Variants in CYP2C18 observed in about 807,000 individuals in gnomAD.
CYP2C18 encodes cytochrome P450 family 2 subfamily C member 18.
CYP2C18 carries 38 observed loss-of-function variants against 41.3 expected under a neutral mutation model. That is an observed-to-expected ratio of 0.92 (90% CI 0.71 to 1.21). The LOEUF (loss-of-function observed/expected upper bound fraction) is 1.21. Among genes scored for constraint, CYP2C18 ranks in the 50% most tolerant of loss-of-function variants. The pLI is 0.00. For synonymous variants in CYP2C18, 236 were observed against 210.0 expected, an observed-to-expected ratio of 1.12 and a Z score of -1.07; for missense variants, 635 against 591.4, an observed-to-expected ratio of 1.07 and a Z score of -0.77.
In CYP2C18 at chr10:94,720,368, A is replaced by G. The variant is rs1288139051; in HGVS notation, c.820-28A>G. 4.5e-6 allele frequency: 7 copies of G among 1,554,224 alleles called. No individual in the cohort carries two copies. The African/African-American group carries it at 8.3e-5, about 18-fold the overall frequency. ...ATTTAATATGCTGGCAAACTACCAA[A>G]TAATTAAATTATGAAATAATTTTTT... On this transcript the variant is annotated intron_variant, in intron 5 of 8. Coordinates refer to ENST00000285979, the MANE Select transcript of CYP2C18 (RefSeq NM_000772.3).
rs1303408189 is a variant in CYP2C18 at position 94,720,532 on chromosome 10, TCA to T, written c.959_960del (p.Thr320SerfsTer2). 6.2e-7 allele frequency: 1 copy of T among 1,612,786 alleles called. No individual in the cohort carries two copies. The highest frequency in any genetic ancestry group is 8.5e-7 in the Non-Finnish European group (1 of 1,179,402). ...CTGCTCCTGCTGAAGTACCCAGAGG[TCA>T]CAGGTATGATGATACCATAGGTGAG... On this transcript the variant is annotated frameshift_variant, in exon 6 of 9. Transcript: ENST00000285979. LOFTEE classifies it high-confidence loss of function.
chr10:94,697,301 C>A (rs979066140), intron 4 of CYP2C18, among the ~76,000 whole-genome samples: 4 of 152,154 alleles, frequency 2.6e-5, no homozygotes, highest in African/African-American at 7.2e-5. Flanking sequence ...ACTCTACAAG[C>A]TAGAAGAGAA....
intron 5 of CYP2C18, among the ~76,000 whole-genome samples, chr10:94,715,733 A>T (rs1484084873): frequency 6.6e-6 from 1 of 151,940 alleles, no homozygotes; most frequent in Non-Finnish European, 1.5e-5. Flanking sequence ...TTTTCTATTG[A>T]TTGGAATAGT....
intron 5 of CYP2C18, among the ~76,000 whole-genome samples, chr10:94,714,969 G>C (rs995755190): frequency 3.3e-5 from 5 of 151,986 alleles, no homozygotes; most frequent in African/African-American, 4.8e-5. Flanking sequence ...TCATGATTTG[G>C]CACTCTGTTT....
At chr10:94,719,246 A>T (rs1847606827) in intron 5 of CYP2C18, among the ~76,000 whole-genome samples, 1 of 143,498 alleles carries the variant, frequency 7.0e-6, no homozygotes, top group Non-Finnish European at 1.5e-5. Context: ...TACAAATAAG[A>T]AAAAAAATTA....
At chr10:94,685,108 C>G (rs1339181896) in intron 1 of CYP2C18, among the ~76,000 whole-genome samples, 1 of 151,510 alleles carries the variant, frequency 6.6e-6, no homozygotes, top group Non-Finnish European at 1.5e-5. Flanking sequence ...GATCATGGTC[C>G]CTGCAGCCTT....
At chr10:94,690,074 G>A (rs1289595692) in intron 3 of CYP2C18, among the ~76,000 whole-genome samples, 1 of 152,124 alleles carries the variant, frequency 6.6e-6, no homozygotes, top group Non-Finnish European at 1.5e-5. Flanking sequence ...GGTGTGGAGT[G>A]CCCCTCCTTT....
At chr10:94,713,398 T>C (rs1847476088) in intron 5 of CYP2C18, among the ~76,000 whole-genome samples, 3 of 151,966 alleles carry the variant, frequency 2.0e-5, no homozygotes, top group Non-Finnish European at 2.9e-5. Context: ...GTTCTCATTG[T>C]TCAAATCCCA....
At chr10:94,708,843 TTGTC>T in intron 5 of CYP2C18, among the ~76,000 whole-genome samples, 1 of 152,214 alleles carries the variant, frequency 6.6e-6, no homozygotes, top group Non-Finnish European at 1.5e-5. Context: ...TGGTCTTTGT[TTGTC>T]TGACTTCTGT....
chr10:94,731,912 A>G lies in CYP2C18; in HGVS notation c.1150-1385A>G, dbSNP rs1280156510. ...ATCCTGGGCATTGGCCTTGGGAAAG[A>G]ATTCATGACTAAGTCCTCAAAAGCA... On this transcript the variant is annotated intron_variant, in intron 7 of 8. Coordinates refer to ENST00000285979, the MANE Select transcript of CYP2C18 (RefSeq NM_000772.3). 2.0e-5 allele frequency among the ~76,000 whole-genome samples: 3 copies of G among 152,296 alleles called. No individual in the cohort carries two copies. The East Asian group carries it at 5.8e-4, about 29-fold the overall frequency.
At chr10:94,728,161 T>C (rs1457415486) in intron 7 of CYP2C18, among the ~76,000 whole-genome samples, 2 of 152,172 alleles carry the variant, frequency 1.3e-5, no homozygotes, top group Non-Finnish European at 2.9e-5. Flanking sequence ...TTTAATACAC[T>C]GACAGTTTTT....
intron 3 of CYP2C18, 99 bp downstream of exon 3, chr10:94,688,373 T>C: frequency 7.5e-7 from 1 of 1,340,412 alleles, no homozygotes; most frequent in South Asian, 1.5e-5. Context: ...ATGGGGTACA[T>C]GTAATATTTT....
intron 6 of CYP2C18, among the ~76,000 whole-genome samples, chr10:94,723,207 A>C (rs1847676158): frequency 6.6e-6 from 1 of 152,152 alleles, no homozygotes; most frequent in African/African-American, 2.4e-5. Context: ...TTAGAAAGAT[A>C]CTAGAGAATA....
At chr10:94,716,422 C>T (rs1297476369) in intron 5 of CYP2C18, among the ~76,000 whole-genome samples, 3 of 152,140 alleles carry the variant, frequency 2.0e-5, no homozygotes, top group African/African-American at 7.2e-5. Flanking sequence ...TTTATTTCTG[C>T]CTTCATTTCA....
chr10:94,702,776 G>A (rs1847269007), intron 4 of CYP2C18, among the ~76,000 whole-genome samples: 2 of 152,042 alleles, frequency 1.3e-5, no homozygotes, highest in South Asian at 4.2e-4. Context: ...TTCCCTTGCT[G>A]TTGAGGAGTT....
At chr10:94,733,815 A>G (rs572648759) in intron 8 of CYP2C18, among the ~76,000 whole-genome samples, 1 of 152,240 alleles carries the variant, frequency 6.6e-6, no homozygotes, top group South Asian at 2.1e-4. Context: ...TGGTGTCCCT[A>G]GCTCCCTAGA....
intron 5 of CYP2C18, among the ~76,000 whole-genome samples, chr10:94,714,778 A>G (rs1347512236): frequency 6.6e-6 from 1 of 152,088 alleles, no homozygotes; most frequent in Non-Finnish European, 1.5e-5. Flanking sequence ...AAGTATGGCC[A>G]TTTTCACAAA....
At chr10:94,697,579 G>A (rs948942549) in intron 4 of CYP2C18, among the ~76,000 whole-genome samples, 1 of 152,106 alleles carries the variant, frequency 6.6e-6, no homozygotes, top group Non-Finnish European at 1.5e-5. Context: ...CAACTAACGA[G>A]CAAAATAACC....
intron 4 of CYP2C18, among the ~76,000 whole-genome samples, chr10:94,699,607 G>C (rs2134184831): frequency 6.6e-6 from 1 of 152,238 alleles, no homozygotes; most frequent in South Asian, 2.1e-4. Context: ...TATTCAACTA[G>C]TGTTGGAGGT....
Sources: allele counts gnomAD v4.1 joint callset (sites outside exome capture counted in the v4.1 genomes callset), GRCh38; gene constraint gnomAD v4.1.1; transcripts MANE v1.5; gene names NCBI Gene and HGNC (gene_info 2026-07-23, HGNC 2026-07-21).